USP2: variants seen among roughly 807,000 people sequenced by gnomAD.
USP2 encodes the protein ubiquitin specific peptidase 2, also known as ubiquitin carboxyl-terminal hydrolase 2.
A neutral mutation model predicts 72.0 loss-of-function variants in USP2; 33 were observed. The observed-to-expected ratio is 0.46, with a 90% CI of 0.35 to 0.61. USP2 has a LOEUF of 0.61. USP2 is among the 20% of genes least tolerant of loss of function. The pLI is 0.01. For missense variants in USP2, 691 were observed against 797.8 expected (o/e 0.87, Z 1.61); for synonymous variants, 296 against 312.5 (o/e 0.95, Z 0.56).
In USP2 at chr11:119,373,368, T is replaced by C; in HGVS notation, c.113A>G (p.Asn38Ser). Residue 38 changes from asparagine to serine, a missense_variant, in exon 2 of 13, where the codon AAT becomes AGT. Coordinates refer to ENST00000260187, the MANE Select transcript of USP2 (RefSeq NM_004205.5). ...GAYTPSSYGA[N>S]LAASLLEKEK... The stretch of plus-strand genomic sequence containing the variant: ...CTTCTCCAGTAAGGAGGCAGCCAGA[T>C]TGGCCCCATAGGAGGACGGGGTGTA... 6 of 1,612,112 alleles carry C rather than the reference T, an allele frequency of 3.7e-6. No homozygotes were observed. Among genetic ancestry groups the C allele is most frequent in the South Asian group, 2.2e-5 (2 of 91,086 alleles).
chr11:119,357,079 G>T, intron 12 of USP2, 108 bp downstream of exon 12: 2 of 1,117,340 alleles, frequency 1.8e-6, no homozygotes, highest in Non-Finnish European at 1.2e-6. Flanking sequence ...CATTCTCGGT[G>T]TAAGCCGTGC....
intron 1 of USP2, chr11:119,376,470 CT>C: frequency 1.1e-6 from 1 of 941,668 alleles, no homozygotes; most frequent in Non-Finnish European, 1.3e-6. Context: ...TGCCCAGCTC[CT>C]TTCACTGTTT....
chr11:119,358,592 A>C, intron 7 of USP2, 181 bp downstream of exon 7: 1 of 747,654 alleles, frequency 1.3e-6, no homozygotes, highest in Non-Finnish European at 2.2e-6. Context: ...TTGGGTTTAC[A>C]GGCATGAGCC....
At position 119,356,834 on chromosome 11, in the gene USP2, G is replaced by A; in HGVS notation, c.*1C>T. On this transcript the variant is annotated 3_prime_UTR_variant, in exon 13 of 13. Coordinates refer to ENST00000260187, the MANE Select transcript of USP2 (RefSeq NM_004205.5). Reference sequence around the variant, plus strand: ...AGGGAGAAGGGACGTGGCTCCTGGCGCTACATTCGGGAGGGCGGGCTGGCC... The same window carrying A: ...AGGGAGAAGGGACGTGGCTCCTGGCACTACATTCGGGAGGGCGGGCTGGCC... The A allele has an allele frequency of 1.3e-6, 2 of 1,560,066 alleles. No homozygotes were observed. The highest frequency in any genetic ancestry group is 1.7e-6 in the Non-Finnish European group (2 of 1,152,168).
At chr11:119,365,117 G>C (rs1950834063) in intron 2 of USP2, among the ~76,000 whole-genome samples, 1 of 152,102 alleles carries the variant, frequency 6.6e-6, no homozygotes, top group Non-Finnish European at 1.5e-5. Context: ...AAAGTATCTT[G>C]TTTGGAGCTT....
chr11:119,365,482 C>T (rs45539534), intron 2 of USP2, among the ~76,000 whole-genome samples: 47,228 of 152,038 alleles, frequency 0.31, 7,603 homozygotes, highest in Middle Eastern at 0.39. Context: ...TCTACAGTCA[C>T]TGTCCTCACC....
Position 119,356,759 on chromosome 11 carries a change from T to A in USP2, c.*76A>T. 1 of 1,359,666 alleles carries A rather than the reference T, an allele frequency of 7.4e-7. No individual in the cohort carries two copies. 84.2% of individuals were successfully genotyped at this position (1,359,666 alleles called of 1,614,324 possible). A position where few individuals can be genotyped will look rare whatever the true frequency, so the allele number is the denominator to read the frequency against. On this transcript the variant is annotated 3_prime_UTR_variant, in exon 13 of 13. Transcript: ENST00000260187. The stretch of plus-strand genomic sequence containing the variant: ...TCAGGTTTGTGTGTTGTTGTTGTTG[T>A]TTTGTTTTTGTCTTTTTAAAAAATT...
chr11:119,368,181 C>T (rs80225862), intron 2 of USP2, among the ~76,000 whole-genome samples: 15 of 152,252 alleles, frequency 9.9e-5, no homozygotes, highest in African/African-American at 3.6e-4. Flanking sequence ...AGGGGCCCCT[C>T]TGGCTTAAGG....
In USP2 at chr11:119,381,524, G is replaced by A. The variant is rs573951286; in HGVS notation, c.-93C>T. ...TCGAACCGGGCACAAGCATGGAGCT[G>A]CGGGTGAGTCCCGGCTGGCGCTGGC... On this transcript the variant is annotated 5_prime_UTR_variant, in exon 1 of 13. The change creates a premature stop within an existing upstream ORF in the 5' untranslated region. Transcript: ENST00000260187. 4.6e-6 allele frequency: 7 copies of A among 1,536,184 alleles called. No individual in the cohort carries two copies. The South Asian group carries it at 8.3e-5, about 18-fold the overall frequency.
chr11:119,363,375 C>G (rs993373009), intron 2 of USP2, among the ~76,000 whole-genome samples: 1 of 152,216 alleles, frequency 6.6e-6, no homozygotes, highest in African/African-American at 2.4e-5. Context: ...TTCACAGGGT[C>G]AAAGGACCCC....
intron 1 of USP2, chr11:119,379,160 C>A: frequency 2.0e-6 from 2 of 985,464 alleles, no homozygotes; most frequent in African/African-American, 3.5e-5. Context: ...TCTTATCTGA[C>A]CTCGCAGACT....
chr11:119,369,299 C>G (rs1346659248), intron 2 of USP2, among the ~76,000 whole-genome samples: 2 of 151,890 alleles, frequency 1.3e-5, no homozygotes, highest in Non-Finnish European at 2.9e-5. Context: ...CCCGCCCCTG[C>G]CCCCCGCCAG....
At chr11:119,360,428 T>C in intron 2 of USP2, 194 bp from the exon 3 acceptor site, 1 of 268,370 alleles carries the variant, frequency 3.7e-6, no homozygotes, top group Non-Finnish European at 6.9e-6. Flanking sequence ...TTTTCTTTTC[T>C]TTTTTTTTTT....
chr11:119,379,378 T>A, intron 1 of USP2: 5 of 538,236 alleles, frequency 9.3e-6, no homozygotes, highest in Non-Finnish European at 1.2e-5. Flanking sequence ...GGGGTGGGGG[T>A]GGAACTTGAG....
intron 1 of USP2, 43 bp from the exon 2 acceptor site, chr11:119,373,564 G>T: frequency 6.9e-7 from 1 of 1,455,814 alleles, no homozygotes. Flanking sequence ...CCTGCCAGGT[G>T]TCGGGCTCCC....
At chr11:119,371,393 A>AT (rs1294774242) in intron 2 of USP2, among the ~76,000 whole-genome samples, 1 of 151,990 alleles carries the variant, frequency 6.6e-6, no homozygotes, top group Non-Finnish European at 1.5e-5. Context: ...CTTCCCCACC[A>AT]TGCCAGCTCT....
At chr11:119,369,140 CCT>C (rs1258219942) in intron 2 of USP2, among the ~76,000 whole-genome samples, 1 of 152,132 alleles carries the variant, frequency 6.6e-6, no homozygotes, top group African/African-American at 2.4e-5. Flanking sequence ...CACTGTTCCT[CCT>C]CTCTGCATTT....
chr11:119,357,663 T>A, intron 10 of USP2, 73 bp from the exon 11 acceptor site: 1 of 1,613,440 alleles, frequency 6.2e-7, no homozygotes, highest in Non-Finnish European at 8.5e-7. Context: ...GCCTACAAGG[T>A]CCGTTTCTTC....
chr11:119,360,321 G>A (rs1950743322), intron 2 of USP2, 87 bp from the exon 3 acceptor site: 2 of 1,374,002 alleles, frequency 1.5e-6, no homozygotes, highest in African/African-American at 2.9e-5. Flanking sequence ...TAACCAGCTG[G>A]AGCCACAGGC....
Sources: gnomAD v4.1 joint callset for allele counts (sites outside exome capture counted in the v4.1 genomes callset) on GRCh38, gnomAD v4.1.1 for gene constraint, MANE v1.5 for transcripts, NCBI Gene and HGNC (gene_info 2026-07-23, HGNC 2026-07-21) for gene names.